The following ANO2 variants were observed in gnomAD, a reference collection of about 807,000 sequenced individuals.
ANO2 encodes anoctamin 2.
In ANO2, 101 loss-of-function variants were observed where a neutral mutation model predicts 124.2. The observed-to-expected ratio is 0.81, with a 90% CI of 0.69 to 0.96. The LOEUF (loss-of-function observed/expected upper bound fraction) is 0.96, where lower values mean the gene tolerates loss of function less well. Ranked by LOEUF, ANO2 falls within the 40% of genes least tolerant of loss-of-function variation. The pLI is 0.00. For synonymous variants in ANO2, 486 were observed against 482.5 expected (o/e 1.01, Z -0.09); for missense variants, 1,293 against 1,274.5 (o/e 1.01, Z -0.22).
Position 5,867,767 on chromosome 12 carries a change from A to G in ANO2, c.535-13626T>C, listed in dbSNP as rs76660434. ...TAATCAGGGACACAGAAAAAGACCT[A>G]GCACTATAATGAAAAAAAAAAAAAA... On this transcript the variant is annotated intron_variant, in intron 3 of 24. Coordinates refer to ENST00000682330, the MANE Select transcript of ANO2 (RefSeq NM_001364791.2). Among the ~76,000 whole-genome samples the G allele has an allele frequency of 2.8e-3, 381 of 136,104 alleles. 13 individuals carry two copies. The East Asian group carries it at 0.073, about 26-fold the overall frequency. 89.3% of individuals were successfully genotyped at this position (136,104 alleles called of 152,430 possible).
intron 11 of ANO2, among the ~76,000 whole-genome samples, chr12:5,750,217 G>A (rs1951395582): frequency 6.6e-6 from 1 of 152,012 alleles, no homozygotes; most frequent in East Asian, 1.9e-4. Context: ...TTACAGGTGT[G>A]AGCCACCATA....
chr12:5,622,893 G>A (rs1272492879), intron 16 of ANO2, among the ~76,000 whole-genome samples: 1 of 151,424 alleles, frequency 6.6e-6, no homozygotes, highest in East Asian at 1.9e-4. Flanking sequence ...GAACTCAGGA[G>A]GCAGAGGTTG....
intron 3 of ANO2, among the ~76,000 whole-genome samples, chr12:5,910,283 G>T (rs140050717): frequency 1.3e-5 from 2 of 152,278 alleles, no homozygotes; most frequent in African/African-American, 4.8e-5. Flanking sequence ...GGGTTCCAGC[G>T]ATTCTCGTGC....
intron 16 of ANO2, among the ~76,000 whole-genome samples, chr12:5,629,181 C>T (rs1021099778): frequency 2.0e-5 from 3 of 152,146 alleles, no homozygotes; most frequent in East Asian, 1.9e-4. Flanking sequence ...TGCACCACCC[C>T]GTACACCAGC....
At chr12:5,755,117 T>C (rs1290369637) in intron 10 of ANO2, among the ~76,000 whole-genome samples, 1 of 151,970 alleles carries the variant, frequency 6.6e-6, no homozygotes, top group East Asian at 1.9e-4. Context: ...TTTTCATTTG[T>C]CTTGAGATAT....
chr12:5,925,602 T>C lies in ANO2; in HGVS notation c.23-2798A>G, dbSNP rs1942046679. 6.6e-6 allele frequency among the ~76,000 whole-genome samples: 1 copy of C among 152,172 alleles called. No homozygotes were observed. Among genetic ancestry groups the C allele is most frequent in the African/African-American group, 2.4e-5 (1 of 41,424 alleles). On this transcript the variant is annotated intron_variant, in intron 1 of 24. Coordinates refer to ENST00000682330, the MANE Select transcript of ANO2 (RefSeq NM_001364791.2). This position sits in a 1 kb window ranked among gnomAD's most constrained non-coding sequence, Gnocchi z 4.6. Reference sequence around the variant, plus strand: ...AGGGTGAGGCAGGTGAGCACACACCTTGAGAACTCCCTAAGAAGCTTAGAA... The same window carrying C: ...AGGGTGAGGCAGGTGAGCACACACCCTGAGAACTCCCTAAGAAGCTTAGAA...
Position 5,904,692 on chromosome 12 carries a change from C to G in ANO2, c.534+16348G>C, listed in dbSNP as rs957178646. ...TCTTCAAATTTTGCAGTGTCATCCT[C>G]TAGCCTTGCTCCCCCTGGGAAGCCT... is the stretch of plus-strand genomic sequence containing the variant. On this transcript the variant is annotated intron_variant, in intron 3 of 24. Coordinates refer to ENST00000682330, the MANE Select transcript of ANO2 (RefSeq NM_001364791.2). The surrounding 1 kb of genome is among the most constrained non-coding windows in gnomAD (Gnocchi z 4.1). Among the ~76,000 whole-genome samples the G allele has an allele frequency of 6.6e-6, 1 of 152,206 alleles. No individual in the cohort carries two copies. Among genetic ancestry groups the G allele is most frequent in the African/African-American group, 2.4e-5 (1 of 41,452 alleles).
At chr12:5,612,798 G>A in intron 18 of ANO2, 42 bp from the exon 19 acceptor site, 1 of 1,610,396 alleles carries the variant, frequency 6.2e-7, no homozygotes, top group Non-Finnish European at 8.5e-7. Context: ...AGAACAAAAG[G>A]GAGCTCTGAG....
chr12:5,649,641 G>A (rs1010093185), intron 14 of ANO2, among the ~76,000 whole-genome samples: 13 of 152,138 alleles, frequency 8.5e-5, no homozygotes, highest in African/African-American at 2.7e-4. Flanking sequence ...GTCTCACTCT[G>A]TTGCCCAGGC....
At chr12:5,903,676 T>TGTGG (rs766669740) in intron 3 of ANO2, among the ~76,000 whole-genome samples, 138 of 149,764 alleles carry the variant, frequency 9.2e-4, no homozygotes, top group African/African-American at 3.2e-3. Context: ...TGTGTGTGTG[T>TGTGG]GGGTGTAGAC....
At chr12:5,601,065 G>A (rs987997883) in intron 19 of ANO2, among the ~76,000 whole-genome samples, 7 of 152,204 alleles carry the variant, frequency 4.6e-5, no homozygotes, top group Non-Finnish European at 8.8e-5. Flanking sequence ...GCCAGAAATT[G>A]TATAAAACCA....
At chr12:5,898,896 C>A (rs1470639476) in intron 3 of ANO2, among the ~76,000 whole-genome samples, 3 of 152,142 alleles carry the variant, frequency 2.0e-5, no homozygotes, top group Non-Finnish European at 4.4e-5. Context: ...TGCTATACTT[C>A]CAAAAGAGGC....
chr12:5,830,583 C>A, intron 5 of ANO2, 94 bp from the exon 6 acceptor site: 1 of 1,141,352 alleles, frequency 8.8e-7, no homozygotes, highest in Non-Finnish European at 1.3e-6. Context: ...CTTTAGAAAG[C>A]AACATAGCAA....
chr12:5,707,312 T>TAAATCC (rs889241439), intron 14 of ANO2, among the ~76,000 whole-genome samples: 6 of 152,250 alleles, frequency 3.9e-5, no homozygotes, highest in African/African-American at 1.4e-4. Flanking sequence ...CTGAGCCAAC[T>TAAATCC]AAATCCCTTT....
intron 14 of ANO2, among the ~76,000 whole-genome samples, chr12:5,719,350 T>A (rs1282637556): frequency 6.6e-6 from 1 of 152,188 alleles, no homozygotes; most frequent in Non-Finnish European, 1.5e-5. Context: ...TAACAGTGAC[T>A]GACAGGACCT....
chr12:5,881,013 T>G (rs1938466575), intron 3 of ANO2, among the ~76,000 whole-genome samples: 1 of 152,142 alleles, frequency 6.6e-6, no homozygotes. Flanking sequence ...CATGATGGAC[T>G]GGATTTATGA....
intron 6 of ANO2, among the ~76,000 whole-genome samples, chr12:5,829,845 A>G (rs529134971): frequency 6.6e-6 from 1 of 152,378 alleles, no homozygotes; most frequent in South Asian, 2.1e-4. Context: ...ACATGAAGGC[A>G]AAACGACTGT....
At chr12:5,666,402 G>A (rs567321444) in intron 14 of ANO2, among the ~76,000 whole-genome samples, 66 of 152,316 alleles carry the variant, frequency 4.3e-4, no homozygotes, top group South Asian at 4.1e-3. Flanking sequence ...CCACCCTTGT[G>A]TCCTCTTCTT....
chr12:5,583,647 C>G (rs1449336156), intron 20 of ANO2: 1 of 74,474 alleles, frequency 1.3e-5, no homozygotes, highest in Admixed American at 1.8e-4. Context: ...AGCGGGACTC[C>G]GTCTCAAAAA....
Sources: allele counts gnomAD v4.1 joint callset (sites outside exome capture counted in the v4.1 genomes callset), GRCh38; gene constraint gnomAD v4.1.1; non-coding constraint Gnocchi (gnomAD v3.1); transcripts MANE v1.5; gene names NCBI Gene and HGNC (gene_info 2026-07-23, HGNC 2026-07-21).